CYB5B: variants seen among roughly 807,000 people sequenced by gnomAD.
CYB5B encodes the protein cytochrome b5 type B (outer mitochondrial membrane).
In CYB5B, 14 loss-of-function variants were observed where a neutral mutation model predicts 21.3. The ratio of observed to expected loss-of-function variants is 0.66; its 90% CI spans 0.43 to 1.03. The LOEUF (loss-of-function observed/expected upper bound fraction) is 1.03, where lower values mean the gene tolerates loss of function less well. CYB5B is among the 50% of genes least tolerant of loss of function. The pLI is 0.00. For synonymous variants in CYB5B, 69 were observed against 68.4 expected (o/e 1.01, Z -0.04); for missense variants, 166 against 185.1 (o/e 0.90, Z 0.60).
intron 3 of CYB5B, among the ~76,000 whole-genome samples, chr16:69,451,198 A>T (rs577441176): frequency 3.5e-4 from 54 of 152,308 alleles, no homozygotes; most frequent in Non-Finnish European, 5.9e-4. Context: ...ATTAACCCTC[A>T]TGCTGAGAGC....
At chr16:69,426,515 A>G (rs2014648757) in intron 1 of CYB5B, among the ~76,000 whole-genome samples, 2 of 150,682 alleles carry the variant, frequency 1.3e-5, no homozygotes, top group South Asian at 2.1e-4. Context: ...GACCAGCCTG[A>G]CCAACATGGT....
At chr16:69,451,735 A>G (rs1198421545) in intron 3 of CYB5B, among the ~76,000 whole-genome samples, 1 of 151,094 alleles carries the variant, frequency 6.6e-6, no homozygotes, top group Non-Finnish European at 1.5e-5. Context: ...GCGGATCACG[A>G]GGTCAGGAGA....
intron 1 of CYB5B, among the ~76,000 whole-genome samples, chr16:69,430,925 G>T (rs892938612): frequency 6.6e-6 from 1 of 151,748 alleles, no homozygotes; most frequent in Non-Finnish European, 1.5e-5. Flanking sequence ...CACCCGCCTC[G>T]GCCTCCCAAA....
chr16:69,453,572 C>T (rs2014955939), intron 3 of CYB5B, among the ~76,000 whole-genome samples: 1 of 151,780 alleles, frequency 6.6e-6, no homozygotes, highest in African/African-American at 2.4e-5. Context: ...TGTTTTTGGG[C>T]GGGGGAACGG....
chr16:69,448,928 T>C (rs762882312), intron 3 of CYB5B: 4 of 152,180 alleles, frequency 2.6e-5, no homozygotes, highest in Admixed American at 2.6e-4. Context: ...CCATTCCTCA[T>C]TGAGCCGAAA....
intron 3 of CYB5B, among the ~76,000 whole-genome samples, chr16:69,452,669 CAAA>C (rs199841748): frequency 6.6e-6 from 1 of 151,462 alleles, no homozygotes; most frequent in Admixed American, 6.6e-5. Context: ...GACCCTGTCT[CAAA>C]AAAAATTTTT....
rs1171831510 is a variant in CYB5B at position 69,463,212 on chromosome 16, G to A, written c.*692G>A. 1 of 152,152 alleles carries A rather than the reference G, an allele frequency of 6.6e-6. No individual in the cohort carries two copies. The highest frequency in any genetic ancestry group is 2.4e-5 in the African/African-American group (1 of 41,420). The allele number at this position is 152,152 out of a possible 1,614,324, so 9.4% of individuals were successfully genotyped here. On this transcript the variant is annotated 3_prime_UTR_variant, in exon 5 of 5. Coordinates refer to ENST00000307892, the MANE Select transcript of CYB5B (RefSeq NM_030579.3). ...TTTATGTGCGTGATAAAAATACAAA[G>A]AATGGTGTGGCCACCTCCTCCCTTT... is the stretch of plus-strand genomic sequence containing the variant.
intron 1 of CYB5B, among the ~76,000 whole-genome samples, chr16:69,435,035 T>G (rs1456389120): frequency 6.6e-6 from 1 of 152,162 alleles, no homozygotes; most frequent in East Asian, 1.9e-4. Context: ...ATTGGGTTGT[T>G]TGTTATTTTT....
At chr16:69,447,983 G>A (rs949386833) in intron 2 of CYB5B, 132 bp from the exon 3 acceptor site, 72 of 890,606 alleles carry the variant, frequency 8.1e-5, no homozygotes, top group Non-Finnish European at 1.2e-4. Context: ...ATCTTTCTAT[G>A]GATCCTCAAA....
intron 1 of CYB5B, among the ~76,000 whole-genome samples, chr16:69,425,613 T>G (rs780411517): frequency 5.3e-5 from 8 of 152,140 alleles, no homozygotes; most frequent in Non-Finnish European, 1.2e-4. Flanking sequence ...CATACGTAAA[T>G]TGTGCCTATC....
intron 1 of CYB5B, among the ~76,000 whole-genome samples, chr16:69,425,723 A>G (rs1047553211): frequency 2.6e-5 from 4 of 152,188 alleles, no homozygotes; most frequent in African/African-American, 9.7e-5. Context: ...CTTTGCAGTC[A>G]TTCTCTCCCA....
intron 1 of CYB5B, among the ~76,000 whole-genome samples, chr16:69,444,835 G>A (rs546495091): frequency 6.6e-6 from 1 of 152,236 alleles, no homozygotes; most frequent in South Asian, 2.1e-4. Context: ...GAAAAATGAA[G>A]TTTTATGCAC....
intron 1 of CYB5B, among the ~76,000 whole-genome samples, chr16:69,440,645 G>A (rs1249369123): frequency 6.6e-6 from 1 of 151,938 alleles, no homozygotes. Context: ...GGATTCCATT[G>A]TATGATTATA....
Position 69,455,992 on chromosome 16 carries a change from C to T in CYB5B, c.334-3101C>T, listed in dbSNP as rs559102006. Among the ~76,000 whole-genome samples, 5 of 152,248 alleles carry T rather than the reference C, an allele frequency of 3.3e-5. No homozygotes were observed. In the South Asian group the frequency reaches 8.3e-4, roughly 25 times the overall value. Reference sequence around the variant, plus strand: ...ACATTGATCTGAGCTTTTCGTTTTACAAACGAGGAAACTGATTTATAACAT... The same window carrying T: ...ACATTGATCTGAGCTTTTCGTTTTATAAACGAGGAAACTGATTTATAACAT... On this transcript the variant is annotated intron_variant, in intron 3 of 4. Coordinates refer to ENST00000307892, the MANE Select transcript of CYB5B (RefSeq NM_030579.3).
At chr16:69,457,945 G>A (rs1172365411) in intron 3 of CYB5B, among the ~76,000 whole-genome samples, 1 of 152,132 alleles carries the variant, frequency 6.6e-6, no homozygotes, top group Non-Finnish European at 1.5e-5. Context: ...GTTAAGCAGA[G>A]CTAATATTCC....
chr16:69,440,912 G>A (rs1054065559), intron 1 of CYB5B, among the ~76,000 whole-genome samples: 2 of 151,728 alleles, frequency 1.3e-5, no homozygotes, highest in South Asian at 2.1e-4. Context: ...TTCCACCTTG[G>A]CCTCCCAAAC....
Position 69,424,711 on chromosome 16 carries a change from G to A in CYB5B, c.28G>A (p.Ala10Thr), listed in dbSNP as rs1207859723. Residue 10 changes from alanine (A) to threonine (T), a missense_variant, in exon 1 of 5, where the codon GCT becomes ACT. Physicochemically the swap from Ala to Thr is moderately conservative, Grantham distance 58 (BLOSUM62 0). Coordinates refer to ENST00000307892, the MANE Select transcript of CYB5B (RefSeq NM_030579.3). ...GTCCGGTTCAATGGCGACTGCGGAA[G>A]CTAGCGGCAGCGATGGGAAAGGGCA... MSGSMATAEASGSDGKGQEV... is the reference protein window; with the variant it reads MSGSMATAETSGSDGKGQEV... 6.9e-6 allele frequency: 11 copies of A among 1,593,576 alleles called. No individual in the cohort carries two copies. The highest frequency in any genetic ancestry group is 1.8e-5 in the Admixed American group (1 of 56,952).
intron 3 of CYB5B, among the ~76,000 whole-genome samples, chr16:69,453,706 C>T (rs1006741455): frequency 2.0e-5 from 3 of 152,028 alleles, no homozygotes; most frequent in African/African-American, 7.2e-5. Flanking sequence ...TTACAGGCGC[C>T]TACCACCACG....
At chr16:69,454,752 T>G (rs1372671399) in intron 3 of CYB5B, among the ~76,000 whole-genome samples, 2 of 152,248 alleles carry the variant, frequency 1.3e-5, no homozygotes, top group Non-Finnish European at 2.9e-5. Context: ...TTTTAAATAC[T>G]TAGAATCCTC....
Sources: allele counts gnomAD v4.1 joint callset (sites outside exome capture counted in the v4.1 genomes callset), GRCh38; gene constraint gnomAD v4.1.1; transcripts MANE v1.5; gene names NCBI Gene and HGNC (gene_info 2026-07-23, HGNC 2026-07-21).